SLC71A2: variants seen among roughly 807,000 people sequenced by gnomAD.
The protein encoded by SLC71A2 is hippocampus abundant transcript-like 1.
chr9:94,417,325 T>C, the SLC71A2 span, among the ~76,000 whole-genome samples: 2 of 152,124 alleles, frequency 1.3e-5, no homozygotes, highest in Admixed American at 1.3e-4. Flanking sequence ...ACTCATTTCA[T>C]CTTTTAAAAA....
chr9:94,454,358 G>T, the SLC71A2 span, among the ~76,000 whole-genome samples: 1 of 151,894 alleles, frequency 6.6e-6, no homozygotes, highest in Non-Finnish European at 1.5e-5. Context: ...ACTTTTTAAA[G>T]CATATGCCAA....
the SLC71A2 span, among the ~76,000 whole-genome samples, chr9:94,450,102 AATG>A: frequency 1.3e-5 from 2 of 152,202 alleles, no homozygotes; most frequent in Non-Finnish European, 2.9e-5. Flanking sequence ...TTCTTTGAGG[AATG>A]ATGAAAATCA....
chr9:94,444,153 G>A, the SLC71A2 span, among the ~76,000 whole-genome samples: 2 of 152,182 alleles, frequency 1.3e-5, no homozygotes, highest in African/African-American at 4.8e-5. Flanking sequence ...TTGACATTTA[G>A]TGTGGTTATA....
chr9:94,448,409 T>G, the SLC71A2 span, among the ~76,000 whole-genome samples: 1 of 152,226 alleles, frequency 6.6e-6, no homozygotes, highest in Non-Finnish European at 1.5e-5. Context: ...CTGGGATTGC[T>G]CAGACCTAAG....
At chr9:94,403,189 T>C in the SLC71A2 span, among the ~76,000 whole-genome samples, 2 of 152,070 alleles carry the variant, frequency 1.3e-5, no homozygotes, top group Non-Finnish European at 2.9e-5. Context: ...CAGGCTGGAG[T>C]GCAATGGCGC....
chr9:94,421,328 C>A, the SLC71A2 span, among the ~76,000 whole-genome samples: 2 of 152,152 alleles, frequency 1.3e-5, no homozygotes, highest in Non-Finnish European at 2.9e-5. Flanking sequence ...ACTTATATAT[C>A]CAGTACTGTA....
the SLC71A2 span, chr9:94,456,203 G>T: frequency 2.0e-6 from 3 of 1,508,346 alleles, no homozygotes; most frequent in Non-Finnish European, 2.8e-6. Context: ...CCTTGAGGTT[G>T]ACCTGCTGCC....
At chr9:94,433,088 T>C in the SLC71A2 span, 1 of 339,680 alleles carries the variant, frequency 2.9e-6, no homozygotes, top group Non-Finnish European at 5.8e-6. Context: ...AGCCAGTAAC[T>C]TGGCCTTCCT....
the SLC71A2 span, chr9:94,445,330 T>G: frequency 3.1e-6 from 2 of 643,082 alleles, no homozygotes; most frequent in South Asian, 4.0e-5. Context: ...AGTAAGGGAT[T>G]GAGTTAGTCT....
At chr9:94,456,354 C>G in the SLC71A2 span, 3 of 1,602,972 alleles carry the variant, frequency 1.9e-6, no homozygotes, top group African/African-American at 1.3e-5. Context: ...TCACTGCCCC[C>G]CACTTGTTTT....
At chr9:94,406,065 A>T in the SLC71A2 span, among the ~76,000 whole-genome samples, 1 of 33,818 alleles carries the variant, frequency 3.0e-5, no homozygotes, top group Admixed American at 4.5e-4. Context: ...TTGCAACTTG[A>T]ATTTTTTTTT....
chr9:94,383,599 C>T, the SLC71A2 span, among the ~76,000 whole-genome samples: 1 of 152,162 alleles, frequency 6.6e-6, no homozygotes, highest in Non-Finnish European at 1.5e-5. Flanking sequence ...GACTTGAAAA[C>T]TAACAGTCCC....
chr9:94,448,631 C>T, the SLC71A2 span, among the ~76,000 whole-genome samples: 1 of 152,120 alleles, frequency 6.6e-6, no homozygotes, highest in East Asian at 1.9e-4. Flanking sequence ...ATAAATAAAA[C>T]CTTTTTACTT....
the SLC71A2 span, among the ~76,000 whole-genome samples, chr9:94,389,401 G>C: frequency 4.8e-3 from 723 of 151,640 alleles, 5 homozygotes; most frequent in African/African-American, 0.017. Context: ...AAGTAGCTGG[G>C]ACTACAAGCA....
At chr9:94,452,418 G>A in the SLC71A2 span, among the ~76,000 whole-genome samples, 2 of 151,914 alleles carry the variant, frequency 1.3e-5, no homozygotes, top group Admixed American at 6.6e-5. Context: ...CCAATATGGC[G>A]AAACCCTGTC....
chr9:94,415,315 A>G, the SLC71A2 span: 1 of 1,129,458 alleles, frequency 8.9e-7, no homozygotes, highest in Admixed American at 1.7e-5. Context: ...TTAGGCACGT[A>G]TCACTGTGTA....
the SLC71A2 span, among the ~76,000 whole-genome samples, chr9:94,383,231 C>T: frequency 7.2e-6 from 1 of 138,672 alleles, no homozygotes; most frequent in African/African-American, 2.7e-5. Context: ...GGCGCAATCT[C>T]GGCTCACTGC....
the SLC71A2 span, chr9:94,459,227 G>A: frequency 6.2e-7 from 1 of 1,613,920 alleles, no homozygotes; most frequent in South Asian, 1.1e-5. Context: ...TTTTCTGGTT[G>A]CCTTATTCAT....
chr9:94,449,374 A>G, the SLC71A2 span, among the ~76,000 whole-genome samples: 15,880 of 152,278 alleles, frequency 0.1, 1,480 homozygotes, highest in East Asian at 0.35. Context: ...CTCTTATAAT[A>G]AAAGACTTAA....
Sources: allele counts gnomAD v4.1 joint callset (sites outside exome capture counted in the v4.1 genomes callset), GRCh38; gene constraint gnomAD v4.1.1; transcripts MANE v1.5; gene names NCBI Gene and HGNC (gene_info 2026-07-23, HGNC 2026-07-21).